The following HP variants were observed in gnomAD, a reference collection of about 807,000 sequenced individuals.
HP encodes the protein haptoglobin alpha(1S)-beta.
HP carries 9 observed loss-of-function variants against 23.2 expected under a neutral mutation model. The ratio of observed to expected loss-of-function variants is 0.39; its 90% CI spans 0.23 to 0.68. HP has a LOEUF of 0.68. HP is among the 30% of genes least tolerant of loss of function. HP has a pLI of 0.47. For synonymous variants in HP, 155 were observed against 183.3 expected (o/e 0.85, Z 1.25); for missense variants, 433 against 483.6 (o/e 0.90, Z 0.98).
chr16:72,057,668 G>C lies in HP; in HGVS notation c.265+202G>C, dbSNP rs1035261508. 1.4e-5 allele frequency: 9 copies of C among 637,396 alleles called. 3 individuals carry two copies. The highest frequency in any genetic ancestry group is 2.3e-5 in the Non-Finnish European group (9 of 391,308). 39.5% of individuals were successfully genotyped at this position (637,396 alleles called of 1,614,324 possible). ...GGTCACCAAGGGTCTTGTTCATTGG[G>C]GCCTGAAGGGCACTGGCTGAATCCA... On this transcript the variant is annotated intron_variant, in intron 4 of 6. Coordinates refer to ENST00000355906, the MANE Select transcript of HP (RefSeq NM_005143.5).
In HP at chr16:72,060,756, G is replaced by A. The variant is rs374531828; in HGVS notation, c.1087G>A (p.Asp363Asn). ...TGCGGGCAGTGCCTTTGCCGTTCAC[G>A]ACCTGGAGGAGGACACCTGGTATGC... The part of the protein sequence containing the change: ...GDAGSAFAVH[D>N]LEEDTWYATG... The change falls in exon 7 of 7, where the codon GAC (aspartate) becomes AAC (asparagine). Residue 363 changes from aspartate (D) to asparagine (N), a missense_variant. Asp to Asn is a conservative substitution (Grantham distance 23, BLOSUM62 1). Coordinates refer to ENST00000355906, the MANE Select transcript of HP (RefSeq NM_005143.5). The A allele has an allele frequency of 9.3e-6, 15 of 1,614,014 alleles. No individual in the cohort carries two copies. Among genetic ancestry groups the A allele is most frequent in the African/African-American group, 2.7e-5 (2 of 74,918 alleles).
chr16:72,056,480 C>A (rs780872128), intron 2 of HP, 50 bp from the exon 3 acceptor site: 60 of 1,335,974 alleles, frequency 4.5e-5, no homozygotes, highest in Non-Finnish European at 5.7e-5. Context: ...TCACGGTTCA[C>A]TGGGAACAAT....
chr16:72,054,974 T>C, intron 1 of HP: 1 of 540,414 alleles, frequency 1.9e-6, no homozygotes. Context: ...AGCAGATATT[T>C]TCCTCTTTAA....
chr16:72,059,730 T>C (rs2041510763), intron 6 of HP: 1 of 347,898 alleles, frequency 2.9e-6, no homozygotes, highest in Admixed American at 4.5e-5. Flanking sequence ...AGTGCTGCTC[T>C]AGATTCATCT....
Position 72,057,634 on chromosome 16 carries a change from C to G in HP, c.265+168C>G, listed in dbSNP as rs1312652529. 6.4e-6 allele frequency: 5 copies of G among 781,012 alleles called. 1 individual carries two copies. Among genetic ancestry groups the G allele is most frequent in the African/African-American group, 4.5e-5 (2 of 44,862 alleles). 48.4% of individuals were successfully genotyped at this position (781,012 alleles called of 1,614,324 possible). A position where few individuals can be genotyped will look rare whatever the true frequency, so the allele number is the denominator to read the frequency against. On this transcript the variant is annotated intron_variant, in intron 4 of 6. Coordinates refer to ENST00000355906, the MANE Select transcript of HP (RefSeq NM_005143.5). ...AGAGACTTAAGCAGTTAGGTGATGACTCCCTAAGGGTCACCAAGGGTCTTG... is the reference window on the plus strand; with the variant it reads ...AGAGACTTAAGCAGTTAGGTGATGAGTCCCTAAGGGTCACCAAGGGTCTTG...
At chr16:72,057,225 C>G (rs1210651076) in intron 3 of HP, 167 bp from the exon 4 acceptor site, 2 of 882,814 alleles carry the variant, frequency 2.3e-6, no homozygotes, top group Non-Finnish European at 3.6e-6. Context: ...TGGCTTCCAG[C>G]ACAGCACTCT....
Position 72,056,180 on chromosome 16 carries a change from G to T in HP, c.25G>T (p.Ala9Ser), listed in dbSNP as rs375437797. The T allele has an allele frequency of 1.9e-5, 31 of 1,613,796 alleles. No homozygotes were observed. The highest frequency in any genetic ancestry group is 2.6e-5 in the Non-Finnish European group (31 of 1,179,930). The stretch of plus-strand genomic sequence containing the variant: ...CTGCAGTGCCCTGGGAGCTGTCATT[G>T]CCCTCCTGCTCTGGGGACAGCTTTT... MSALGAVI[A>S]LLLWGQLFAV... The change falls in exon 2 of 7, where the codon GCC (alanine) becomes TCC (serine). Residue 9 changes from alanine (A) to serine (S), a missense_variant. Physicochemically the swap from Ala to Ser is moderately conservative, Grantham distance 99. Transcript: ENST00000355906.
At chr16:72,059,886 T>G in intron 6 of HP, 1 of 1,051,598 alleles carries the variant, frequency 9.5e-7, no homozygotes, top group Non-Finnish European at 1.3e-6. Context: ...CCCACTTCCT[T>G]TGTTAGAAAA....
Position 72,056,255 on chromosome 16 carries a change from G to C in HP, c.88+12G>C. The C allele has an allele frequency of 1.2e-6, 2 of 1,613,400 alleles. No individual in the cohort carries two copies. The highest frequency in any genetic ancestry group is 1.7e-6 in the Non-Finnish European group (2 of 1,179,440). On this transcript the variant is annotated intron_variant, in intron 2 of 6. Transcript: ENST00000355906. ...CACGGATATCGCAGGTCAGTCTTTG[G>C]TTGGGTAGGAGTGTGCATCCCACTC...
intron 2 of HP, 77 bp from the exon 3 acceptor site, chr16:72,056,453 C>A: frequency 6.5e-7 from 1 of 1,532,050 alleles, no homozygotes; most frequent in South Asian, 1.2e-5. Context: ...CAGAGCAGCT[C>A]CCGCTCATCT....
intron 1 of HP, chr16:72,055,049 G>A (rs35184823): frequency 0.021 from 7,504 of 359,046 alleles, 498 homozygotes; most frequent in African/African-American, 0.14. Context: ...ACTAGTACCT[G>A]GGATACACAC....
In HP at chr16:72,056,648, T is replaced by G; in HGVS notation, c.190+17T>G. On this transcript the variant is annotated intron_variant, in intron 3 of 6. Transcript: ENST00000355906. ...AAGGAGATGGTAAGATGTGGACAAC[T>G]GTCTCCATGCCCTACATACAACCCC... is the stretch of plus-strand genomic sequence containing the variant. 5 of 965,694 alleles carry G rather than the reference T, an allele frequency of 5.2e-6. No homozygotes were observed. Among genetic ancestry groups the G allele is most frequent in the Non-Finnish European group, 6.1e-6 (4 of 658,258 alleles). 59.8% of individuals were successfully genotyped at this position (965,694 alleles called of 1,614,324 possible).
intron 1 of HP, chr16:72,055,794 T>C (rs2041450004): frequency 1.2e-5 from 4 of 335,160 alleles, no homozygotes; most frequent in South Asian, 7.6e-5. Context: ...GAGGTTTCTC[T>C]TTCCTGGAGG....
At position 72,057,520 on chromosome 16, in the gene HP, C is replaced by T. The variant is rs558406500; in HGVS notation, c.265+54C>T. ...GAGCAGGCAGGCGTCCAGCGGGGAA[C>T]GTCCTAGAGGCACAGCCTTCCAGTG... On this transcript the variant is annotated intron_variant, in intron 4 of 6. Coordinates refer to ENST00000355906, the MANE Select transcript of HP (RefSeq NM_005143.5). 54 of 699,218 alleles carry T rather than the reference C, an allele frequency of 7.7e-5. 10 individuals carry two copies. In the East Asian group the frequency reaches 9.1e-4, roughly 12 times the overall value. 43.3% of individuals were successfully genotyped at this position (699,218 alleles called of 1,614,324 possible). A position where few individuals can be genotyped will look rare whatever the true frequency, so the allele number is the denominator to read the frequency against.
In HP at chr16:72,059,109, T is replaced by G. The variant is rs2041499011; in HGVS notation, c.368-5T>G. 1 of 1,564,958 alleles carries G rather than the reference T, an allele frequency of 6.4e-7. No homozygotes were observed. The highest frequency in any genetic ancestry group is 8.7e-7 in the Non-Finnish European group (1 of 1,148,432). ...CTTTGGCTCACTTCTTGCCTTTTGT[T>G]TCAGGAGTGTACACCTTAAACAATG... On this transcript the variant is annotated splice_region_variant and splice_polypyrimidine_tract_variant and intron_variant, in intron 5 of 6. Coordinates refer to ENST00000355906, the MANE Select transcript of HP (RefSeq NM_005143.5).
chr16:72,057,816 C>T (rs2041481835), intron 4 of HP: 1 of 350,726 alleles, frequency 2.9e-6, no homozygotes. Context: ...AAATCTTAAT[C>T]CATGGAAGCC....
Position 72,057,298 on chromosome 16 carries a change from CTTCTTT to C in HP, c.191-91_191-86del, listed in dbSNP as rs1473319964. On this transcript the variant is annotated intron_variant, in intron 3 of 6. Coordinates refer to ENST00000355906, the MANE Select transcript of HP (RefSeq NM_005143.5). ...CTTCCTGTCTGCCTCCTTTCTTCTT[CTTCTTT>C]TTAATTCTTCTCCTTAAATGCCTTC... The C allele has an allele frequency of 7.4e-5, 53 of 713,480 alleles. 8 individuals are homozygous for C. The African/African-American group carries it at 8.8e-4, about 12-fold the overall frequency. The allele number at this position is 713,480 out of a possible 1,614,324, so 44.2% of individuals were successfully genotyped here.
Position 72,060,566 on chromosome 16 carries a change from C to T in HP, c.897C>T (p.Val299=). The T allele has an allele frequency of 6.2e-7, 1 of 1,614,134 alleles. No individual in the cohort carries two copies. Among genetic ancestry groups the T allele is most frequent in the Non-Finnish European group, 8.5e-7 (1 of 1,180,030 alleles). ...AATTTACTGACCATCTGAAGTATGT[C>T]ATGCTGCCTGTGGCTGACCAAGACC... The part of the protein sequence containing the change: ...NFKFTDHLKY[V]MLPVADQDQC... The change falls in exon 7 of 7, where the codon GTC becomes GTT. Residue 299 remains valine (V), a synonymous_variant. Coordinates refer to ENST00000355906, the MANE Select transcript of HP (RefSeq NM_005143.5).
intron 5 of HP, among the ~76,000 whole-genome samples, chr16:72,058,912 G>A (rs1374486868): frequency 7.1e-6 from 1 of 140,126 alleles, no homozygotes; most frequent in Non-Finnish European, 1.5e-5. Flanking sequence ...AGTGTGTTCT[G>A]CTGGGCTTAA....
Sources: allele counts gnomAD v4.1 joint callset (sites outside exome capture counted in the v4.1 genomes callset), GRCh38; gene constraint gnomAD v4.1.1; transcripts MANE v1.5; gene names NCBI Gene and HGNC (gene_info 2026-07-23, HGNC 2026-07-21).